Variants in WDR72 observed in about 807,000 individuals in gnomAD.
WDR72 encodes WD repeat-containing protein 72.
WDR72 carries 120 observed loss-of-function variants against 124.2 expected under a neutral mutation model. That is an observed-to-expected ratio of 0.97 (90% confidence interval 0.83 to 1.12). The LOEUF (loss-of-function observed/expected upper bound fraction) is 1.12, where lower values mean the gene tolerates loss of function less well. Ranked by LOEUF, WDR72 falls within the 50% of genes most tolerant of loss-of-function variation. WDR72 has a pLI of 0.00. For missense variants in WDR72, 1,387 were observed against 1,278.8 expected (o/e 1.08, Z -1.29); for synonymous variants, 452 against 441.7 (o/e 1.02, Z -0.29).
chr15:53,550,837 CAAA>C (rs1893698183), intron 18 of WDR72, among the ~76,000 whole-genome samples: 1 of 152,104 alleles, frequency 6.6e-6, no homozygotes, highest in Non-Finnish European at 1.5e-5. Flanking sequence ...AAGTGGTAAA[CAAA>C]AGACACAGGC....
chr15:53,733,606 TA>T (rs1197853710), intron 1 of WDR72, among the ~76,000 whole-genome samples: 1 of 152,156 alleles, frequency 6.6e-6, no homozygotes, highest in Non-Finnish European at 1.5e-5. Flanking sequence ...AATTTGCTAT[TA>T]AAAAAATAAA....
intron 13 of WDR72, among the ~76,000 whole-genome samples, chr15:53,683,839 T>C (rs185162838): frequency 1.1e-4 from 17 of 152,154 alleles, no homozygotes; most frequent in African/African-American, 3.9e-4. Context: ...GCAAATAAAA[T>C]AGCAGATTTT....
intron 18 of WDR72, among the ~76,000 whole-genome samples, chr15:53,578,054 G>A (rs956813629): frequency 3.3e-5 from 5 of 152,084 alleles, no homozygotes; most frequent in African/African-American, 1.2e-4. Flanking sequence ...TTAGAAGTAT[G>A]TTATTTGTAT....
At chr15:53,727,025 C>T (rs972282710) in intron 2 of WDR72, among the ~76,000 whole-genome samples, 1 of 151,656 alleles carries the variant, frequency 6.6e-6, no homozygotes, top group African/African-American at 2.4e-5. Flanking sequence ...AACCAAACAT[C>T]GCCCCGGCAC....
intron 13 of WDR72, among the ~76,000 whole-genome samples, chr15:53,669,035 GGAA>G: frequency 2.8e-5 from 4 of 142,260 alleles, no homozygotes; most frequent in Non-Finnish European, 4.7e-5. Context: ...AGGGAGGAAG[GGAA>G]AGAAGGGGAA....
intron 13 of WDR72, among the ~76,000 whole-genome samples, chr15:53,691,776 C>T (rs1250138136): frequency 6.6e-6 from 1 of 152,272 alleles, no homozygotes; most frequent in East Asian, 1.9e-4. Context: ...CATGAGGAAA[C>T]TAGGGCTCTG....
At chr15:53,739,606 T>C (rs1410638778) in intron 1 of WDR72, among the ~76,000 whole-genome samples, 2 of 152,216 alleles carry the variant, frequency 1.3e-5, no homozygotes, top group Non-Finnish European at 2.9e-5. Flanking sequence ...AAGTGAAGAC[T>C]GCAAAGCAGG....
At chr15:53,713,316 G>A (rs17631756) in intron 6 of WDR72, among the ~76,000 whole-genome samples, 3,184 of 151,264 alleles carry the variant, frequency 0.021, 40 homozygotes, top group Non-Finnish European at 0.03. Flanking sequence ...ATGAGAATAA[G>A]CTACAGACTG....
At chr15:53,702,879 C>A (rs1262905739) in intron 11 of WDR72, among the ~76,000 whole-genome samples, 1 of 150,240 alleles carries the variant, frequency 6.7e-6, no homozygotes, top group Non-Finnish European at 1.5e-5. Context: ...AAAATAAATT[C>A]AGAATATTAC....
intron 3 of WDR72, among the ~76,000 whole-genome samples, chr15:53,719,346 G>T (rs1315807695): frequency 6.6e-6 from 1 of 151,860 alleles, no homozygotes; most frequent in Non-Finnish European, 1.5e-5. Context: ...CTAGATATTT[G>T]TCTTATACTT....
At position 53,649,198 on chromosome 15, in the gene WDR72, C is replaced by A. The variant is rs142068537; in HGVS notation, c.1962+16374G>T. The stretch of plus-strand genomic sequence containing the variant: ...CTTTGCAAAGAAACTATTACTGGAA[C>A]ACAGAAACACTCATTTACTGATGCG... On this transcript the variant is annotated intron_variant, in intron 14 of 19. Coordinates refer to ENST00000360509, the MANE Select transcript of WDR72 (RefSeq NM_182758.4). 8.5e-3 allele frequency among the ~76,000 whole-genome samples: 1,290 copies of A among 152,140 alleles called. 17 individuals are homozygous for A. Among genetic ancestry groups the A allele is most frequent in the African/African-American group, 0.029 (1,203 of 41,492 alleles).
At chr15:53,585,909 CA>C (rs1404430448) in intron 18 of WDR72, among the ~76,000 whole-genome samples, 1 of 152,048 alleles carries the variant, frequency 6.6e-6, no homozygotes, top group Non-Finnish European at 1.5e-5. Context: ...TACGTCTCTT[CA>C]TGTCTGCCAC....
At chr15:53,607,479 A>G (rs1490329995) in intron 17 of WDR72, among the ~76,000 whole-genome samples, 2 of 152,164 alleles carry the variant, frequency 1.3e-5, no homozygotes, top group Non-Finnish European at 2.9e-5. Context: ...GAAGAATGAA[A>G]CTAGACCCCT....
At chr15:53,609,314 G>A (rs148945551) in intron 17 of WDR72, among the ~76,000 whole-genome samples, 199 bp downstream of exon 17, 115 of 152,130 alleles carry the variant, frequency 7.6e-4, no homozygotes, top group East Asian at 3.1e-3. Flanking sequence ...CCTCAGCCCC[G>A]GGCATTCACG....
In WDR72 at chr15:53,710,962, C is replaced by T. The variant is rs756939761; in HGVS notation, c.858-9G>A. The stretch of plus-strand genomic sequence containing the variant: ...TGCTTTTTGAAAGCCCACTGCGTGG[C>T]AAAAATAAAAAGCAAAGTTTAGAAC... On this transcript the variant is annotated splice_polypyrimidine_tract_variant and intron_variant, in intron 8 of 19. Transcript: ENST00000360509. 3 of 1,610,216 alleles carry T rather than the reference C, an allele frequency of 1.9e-6. No homozygotes were observed. In the South Asian group the frequency reaches 3.3e-5, roughly 18 times the overall value.
chr15:53,515,775 A>G lies in WDR72; in HGVS notation c.*1924T>C, dbSNP rs182668266. 2 of 152,296 alleles carry G rather than the reference A, an allele frequency of 1.3e-5. No individual in the cohort carries two copies. Among genetic ancestry groups the G allele is most frequent in the East Asian group, 3.9e-4 (2 of 5,178 alleles). 9.4% of individuals were successfully genotyped at this position (152,296 alleles called of 1,614,324 possible). Reference sequence around the variant, plus strand: ...ATATTGGTTTCATTAGAACTGATAAATGCTAAGTATGGCAACTATTAAAAC... The same window carrying G: ...ATATTGGTTTCATTAGAACTGATAAGTGCTAAGTATGGCAACTATTAAAAC... On this transcript the variant is annotated 3_prime_UTR_variant, in exon 20 of 20. Coordinates refer to ENST00000360509, the MANE Select transcript of WDR72 (RefSeq NM_182758.4).
chr15:53,552,319 G>A (rs530609108), intron 18 of WDR72, among the ~76,000 whole-genome samples: 4 of 152,188 alleles, frequency 2.6e-5, no homozygotes, highest in African/African-American at 9.6e-5. Flanking sequence ...TCCACTACTT[G>A]TTTACTAGCT....
chr15:53,729,894 T>C (rs544022624), intron 2 of WDR72, among the ~76,000 whole-genome samples: 9 of 152,310 alleles, frequency 5.9e-5, no homozygotes, highest in African/African-American at 1.9e-4. Flanking sequence ...GCAGCCACCA[T>C]AGGAGTGCCT....
At chr15:53,689,433 G>A (rs2016760373) in intron 13 of WDR72, among the ~76,000 whole-genome samples, 2 of 149,432 alleles carry the variant, frequency 1.3e-5, no homozygotes, top group African/African-American at 5.1e-5. Context: ...CTCAAAAGAA[G>A]ACATTTATGC....
Sources: allele counts gnomAD v4.1 joint callset (sites outside exome capture counted in the v4.1 genomes callset), GRCh38; gene constraint gnomAD v4.1.1; transcripts MANE v1.5; gene names NCBI Gene and HGNC (gene_info 2026-07-23, HGNC 2026-07-21).